Variants in GABPB2 observed in about 807,000 individuals in gnomAD.
GABPB2 encodes GA-binding protein subunit beta-2.
A neutral mutation model predicts 39.1 loss-of-function variants in GABPB2; 23 were observed. That is an observed-to-expected ratio of 0.59 (90% confidence interval 0.42 to 0.83). The LOEUF (loss-of-function observed/expected upper bound fraction) is 0.83. Ranked by LOEUF, GABPB2 falls within the 40% of genes least tolerant of loss-of-function variation. The probability of loss-of-function intolerance (pLI) is 0.00; values close to 1 mark genes in which losing one functional copy is unlikely to be tolerated. For synonymous variants in GABPB2, 184 were observed against 199.3 expected (o/e 0.92, Z 0.65); for missense variants, 467 against 541.1 (o/e 0.86, Z 1.36).
intron 1 of GABPB2, among the ~76,000 whole-genome samples, chr1:151,072,572 G>A (rs1326592461): frequency 6.6e-6 from 1 of 152,132 alleles, no homozygotes; most frequent in Non-Finnish European, 1.5e-5. Context: ...CAGGCCGGGC[G>A]TGGTGGCTCT....
chr1:151,105,488 T>C (rs993644656), intron 6 of GABPB2, among the ~76,000 whole-genome samples: 1 of 149,860 alleles, frequency 6.7e-6, no homozygotes, highest in African/African-American at 2.4e-5. Context: ...TATAAACATA[T>C]ATGTATATAT....
At chr1:151,091,033 CAAAAA>C (rs112572180) in intron 3 of GABPB2, among the ~76,000 whole-genome samples, 38 of 144,072 alleles carry the variant, frequency 2.6e-4, no homozygotes, top group Non-Finnish European at 5.5e-4. Flanking sequence ...AACAAAAAAA[CAAAAA>C]AAAAAACCTT....
At position 151,076,590 on chromosome 1, in the gene GABPB2, C is replaced by T. The variant is rs963602161; in HGVS notation, c.-1+5656C>T. Among the ~76,000 whole-genome samples the T allele has an allele frequency of 2.4e-4, 37 of 151,630 alleles. 1 individual carries two copies. The highest frequency in any genetic ancestry group is 3.4e-3 in the Middle Eastern group (1 of 292). On this transcript the variant is annotated intron_variant, in intron 1 of 8. Coordinates refer to ENST00000368918, the MANE Select transcript of GABPB2 (RefSeq NM_144618.3). Reference sequence around the variant, plus strand: ...GATTACAGGCATATGCCACCACGTCCGGCTAATTTTTGTATTTTTAGTAGA... The same window carrying T: ...GATTACAGGCATATGCCACCACGTCTGGCTAATTTTTGTATTTTTAGTAGA...
At chr1:151,078,787 G>T (rs1417180750) in intron 1 of GABPB2, among the ~76,000 whole-genome samples, 4 of 151,696 alleles carry the variant, frequency 2.6e-5, no homozygotes, top group Admixed American at 6.6e-5. Context: ...GTACAGGCGT[G>T]CACCACCACA....
intron 1 of GABPB2, among the ~76,000 whole-genome samples, chr1:151,073,538 T>C (rs1676897454): frequency 6.6e-6 from 1 of 152,192 alleles, no homozygotes; most frequent in South Asian, 2.1e-4. Context: ...ACTGGGAGAA[T>C]GGCATATAGT....
intron 7 of GABPB2, among the ~76,000 whole-genome samples, chr1:151,116,820 A>C (rs1295113529): frequency 6.6e-6 from 1 of 151,990 alleles, no homozygotes; most frequent in Non-Finnish European, 1.5e-5. Context: ...ATGTTGCCCA[A>C]GCTGGTCTTG....
intron 6 of GABPB2, 60 bp downstream of exon 6, chr1:151,103,735 A>G: frequency 9.1e-7 from 1 of 1,094,474 alleles, no homozygotes. Flanking sequence ...TTAAGTCTCC[A>G]GCAGATTTAA....
chr1:151,121,812 G>A lies in GABPB2; in HGVS notation c.*3556G>A, dbSNP rs1028386453. Reference sequence around the variant, plus strand: ...GAAAGGGAATATGGATGGAGAGAGAGAGGTTATGAACAGGTTATGTTACAG... The same window carrying A: ...GAAAGGGAATATGGATGGAGAGAGAAAGGTTATGAACAGGTTATGTTACAG... On this transcript the variant is annotated 3_prime_UTR_variant, in exon 9 of 9. Coordinates refer to ENST00000368918, the MANE Select transcript of GABPB2 (RefSeq NM_144618.3). 2 of 152,188 alleles carry A rather than the reference G, an allele frequency of 1.3e-5. No homozygotes were observed. Among genetic ancestry groups the A allele is most frequent in the South Asian group, 4.1e-4 (2 of 4,830 alleles). The allele number at this position is 152,188 out of a possible 1,614,324, so 9.4% of individuals were successfully genotyped here. A position where few individuals can be genotyped will look rare whatever the true frequency, so the allele number is the denominator to read the frequency against.
intron 1 of GABPB2, among the ~76,000 whole-genome samples, chr1:151,080,603 T>G (rs1162968320): frequency 6.7e-6 from 1 of 149,964 alleles, no homozygotes; most frequent in Non-Finnish European, 1.5e-5. Flanking sequence ...ATCCCATCAC[T>G]TTGGGAGGCC....
intron 4 of GABPB2, among the ~76,000 whole-genome samples, chr1:151,096,347 G>A (rs1415051175): frequency 6.6e-6 from 1 of 151,816 alleles, no homozygotes; most frequent in Non-Finnish European, 1.5e-5. Flanking sequence ...CCCTGGAGGC[G>A]GAGGTTGCAG....
At chr1:151,082,302 C>T (rs184990428) in intron 1 of GABPB2, among the ~76,000 whole-genome samples, 1 of 150,922 alleles carries the variant, frequency 6.6e-6, no homozygotes, top group African/African-American at 2.4e-5. Context: ...GTCTCAAACT[C>T]CTGACCTCAG....
At chr1:151,076,506 T>G (rs1677177386) in intron 1 of GABPB2, among the ~76,000 whole-genome samples, 1 of 152,148 alleles carries the variant, frequency 6.6e-6, no homozygotes, top group Admixed American at 6.6e-5. Flanking sequence ...CTTGGTTCAC[T>G]GCAAGCTCTG....
intron 8 of GABPB2, 95 bp from the exon 9 acceptor site, chr1:151,117,862 G>A: frequency 5.8e-6 from 7 of 1,201,526 alleles, no homozygotes; most frequent in Non-Finnish European, 8.3e-6. Flanking sequence ...TGGATTATAG[G>A]TGTGAGGCAC....
chr1:151,070,924 C>G lies in GABPB2; in HGVS notation c.-11C>G, dbSNP rs1381431355. On this transcript the variant is annotated 5_prime_UTR_variant, in exon 1 of 9. Coordinates refer to ENST00000368918, the MANE Select transcript of GABPB2 (RefSeq NM_144618.3). ...CGTGGAAGCGTGGCCGGCAGCGTCC[C>G]GGACGAGGAGGTGAGGAGGAAAGAA... 1.3e-5 allele frequency: 2 copies of G among 152,152 alleles called. No individual in the cohort carries two copies. The highest frequency in any genetic ancestry group is 4.8e-5 in the African/African-American group (2 of 41,408). The allele number at this position is 152,152 out of a possible 1,614,324, so 9.4% of individuals were successfully genotyped here.
chr1:151,104,871 TCC>T (rs1302983687), intron 6 of GABPB2, among the ~76,000 whole-genome samples: 2 of 150,222 alleles, frequency 1.3e-5, no homozygotes, highest in Non-Finnish European at 3.0e-5. Context: ...CTTCCCTCCC[TCC>T]CTCTCTCTCT....
At chr1:151,088,347 C>T (rs1164497257) in intron 2 of GABPB2, 50 bp downstream of exon 2, 2 of 1,473,010 alleles carry the variant, frequency 1.4e-6, no homozygotes, top group Non-Finnish European at 9.3e-7. Flanking sequence ...ATGCTTTTAC[C>T]AACATTTTTC....
chr1:151,071,619 G>T (rs587635871), intron 1 of GABPB2, among the ~76,000 whole-genome samples: 8 of 152,130 alleles, frequency 5.3e-5, no homozygotes, highest in African/African-American at 1.9e-4. Context: ...ACAGGCGTGC[G>T]CCACCATGCA....
At chr1:151,073,704 A>G (rs1676913798) in intron 1 of GABPB2, among the ~76,000 whole-genome samples, 1 of 151,874 alleles carries the variant, frequency 6.6e-6, no homozygotes. Flanking sequence ...GGCAGATCAC[A>G]AGGTCAGGAG....
intron 7 of GABPB2, among the ~76,000 whole-genome samples, chr1:151,110,326 TA>T (rs1407274178): frequency 2.0e-5 from 3 of 152,004 alleles, no homozygotes; most frequent in Non-Finnish European, 4.4e-5. Flanking sequence ...GCATTGCTGA[TA>T]TTTTTGTGAA....
Sources: allele counts gnomAD v4.1 joint callset (sites outside exome capture counted in the v4.1 genomes callset), GRCh38; gene constraint gnomAD v4.1.1; transcripts MANE v1.5; gene names NCBI Gene and HGNC (gene_info 2026-07-23, HGNC 2026-07-21).